THADA: variants seen among roughly 807,000 people sequenced by gnomAD.
THADA encodes tRNA (32-2'-O)-methyltransferase regulator THADA.
THADA carries 213 observed loss-of-function variants against 219.8 expected under a neutral mutation model. That is an observed-to-expected ratio of 0.97 (90% confidence interval 0.87 to 1.09). THADA has a LOEUF of 1.09. Ranked by LOEUF, THADA falls within the 50% of genes least tolerant of loss-of-function variation. THADA has a pLI of 0.00. For synonymous variants in THADA, 1,018 were observed against 828.9 expected (o/e 1.23, Z -3.92); for missense variants, 2,956 against 2,311.3 (o/e 1.28, Z -5.72).
At chr2:43,291,865 G>C in intron 33 of THADA, 97 bp from the exon 34 acceptor site, 1 of 1,111,978 alleles carries the variant, frequency 9.0e-7, no homozygotes. Flanking sequence ...ATGCAGAGGT[G>C]AATACTGAAA....
At chr2:43,327,480 G>C (rs942283473) in intron 30 of THADA, among the ~76,000 whole-genome samples, 6 of 138,836 alleles carry the variant, frequency 4.3e-5, no homozygotes, top group South Asian at 2.7e-4. Flanking sequence ...AAGTAAAGAG[G>C]GGGGGTGGTT....
At chr2:43,257,973 C>T (rs1670514825) in intron 36 of THADA, among the ~76,000 whole-genome samples, 1 of 152,080 alleles carries the variant, frequency 6.6e-6, no homozygotes, top group Non-Finnish European at 1.5e-5. Context: ...GGGGATTCAG[C>T]AGGCTCTGGG....
At chr2:43,457,270 T>C (rs1211366812) in intron 26 of THADA, among the ~76,000 whole-genome samples, 1 of 152,034 alleles carries the variant, frequency 6.6e-6, no homozygotes, top group African/African-American at 2.4e-5. Context: ...CATAATAAGA[T>C]ACCAATATTT....
At chr2:43,269,827 G>A (rs1233471475) in intron 36 of THADA, among the ~76,000 whole-genome samples, 1 of 152,162 alleles carries the variant, frequency 6.6e-6, no homozygotes, top group Non-Finnish European at 1.5e-5. Context: ...TGACAATACT[G>A]AAGAACACAC....
chr2:43,397,399 A>G (rs1674203448), intron 29 of THADA, among the ~76,000 whole-genome samples: 1 of 152,072 alleles, frequency 6.6e-6, no homozygotes, highest in Non-Finnish European at 1.5e-5. Flanking sequence ...TTTCTCATTT[A>G]TTTTTTGTAT....
At chr2:43,332,262 C>T (rs970255795) in intron 30 of THADA, among the ~76,000 whole-genome samples, 1 of 152,150 alleles carries the variant, frequency 6.6e-6, no homozygotes, top group Non-Finnish European at 1.5e-5. Flanking sequence ...TTAACCTTAT[C>T]TAATAATTAA....
At chr2:43,413,832 A>G (rs1478267738) in intron 28 of THADA, among the ~76,000 whole-genome samples, 1 of 152,232 alleles carries the variant, frequency 6.6e-6, no homozygotes, top group Non-Finnish European at 1.5e-5. Context: ...TATATGCAAC[A>G]GCAATCCCAT....
chr2:43,477,168 C>T (rs1171027421), intron 26 of THADA, among the ~76,000 whole-genome samples: 1 of 152,064 alleles, frequency 6.6e-6, no homozygotes, highest in African/African-American at 2.4e-5. Flanking sequence ...ATGCCTTTCA[C>T]CTGCTTTAAT....
intron 16 of THADA, among the ~76,000 whole-genome samples, chr2:43,557,449 G>A (rs966294313): frequency 6.6e-6 from 1 of 152,142 alleles, no homozygotes; most frequent in Non-Finnish European, 1.5e-5. Flanking sequence ...TAGTTCACTG[G>A]AGAAAACTGC....
At chr2:43,505,556 G>GA (rs965896471) in intron 24 of THADA, 66 bp downstream of exon 24, 1 of 1,257,820 alleles carries the variant, frequency 8.0e-7, no homozygotes, top group African/African-American at 1.5e-5. Context: ...CAGCCGTCTT[G>GA]AAAAAAGTGA....
rs372999817 is a variant in THADA at position 43,508,147 on chromosome 2, G to A, written c.3507+501C>T. ...TGGATGATAATAGGGTACAGGGAAG[G>A]AGTTAATGAGGTGAAATAACCACTA... On this transcript the variant is annotated intron_variant, in intron 23 of 37. Coordinates refer to ENST00000405975, the MANE Select transcript of THADA (RefSeq NM_022065.5). Among the ~76,000 whole-genome samples, 14 of 152,210 alleles carry A rather than the reference G, an allele frequency of 9.2e-5. No individual in the cohort carries two copies. In the South Asian group the frequency reaches 2.9e-3, roughly 32 times the overall value.
intron 27 of THADA, among the ~76,000 whole-genome samples, chr2:43,429,648 A>T (rs1293765101): frequency 6.6e-6 from 1 of 152,054 alleles, no homozygotes; most frequent in Admixed American, 6.6e-5. Context: ...AGATTTTTTT[A>T]AAAATAGGAA....
At chr2:43,453,640 T>A (rs537195158) in intron 26 of THADA, among the ~76,000 whole-genome samples, 45 of 152,264 alleles carry the variant, frequency 3.0e-4, no homozygotes, top group Middle Eastern at 3.4e-3. Context: ...AAACGCTGGT[T>A]TTTTAAAGTA....
chr2:43,311,996 T>G (rs1677567496), intron 31 of THADA, among the ~76,000 whole-genome samples: 1 of 152,060 alleles, frequency 6.6e-6, no homozygotes, highest in African/African-American at 2.4e-5. Context: ...CCCAGAAGTT[T>G]GAGACCAGCC....
intron 26 of THADA, among the ~76,000 whole-genome samples, chr2:43,450,814 G>C (rs1418216898): frequency 6.6e-6 from 1 of 152,148 alleles, no homozygotes; most frequent in African/African-American, 2.4e-5. Flanking sequence ...AGTAACGGAA[G>C]ACAGCAGGGG....
chr2:43,387,000 T>C (rs1363639805), intron 29 of THADA, among the ~76,000 whole-genome samples: 1 of 152,052 alleles, frequency 6.6e-6, no homozygotes, highest in Non-Finnish European at 1.5e-5. Context: ...TCTGGGAATA[T>C]GGACAAAGCT....
chr2:43,539,971 T>C (rs1695093054), intron 21 of THADA, among the ~76,000 whole-genome samples: 1 of 152,210 alleles, frequency 6.6e-6, no homozygotes, highest in Non-Finnish European at 1.5e-5. Context: ...CAAAATACAC[T>C]TCCCTTAATT....
chr2:43,538,858 T>C (rs1038779395), intron 21 of THADA, among the ~76,000 whole-genome samples: 13 of 152,048 alleles, frequency 8.5e-5, no homozygotes, highest in African/African-American at 1.2e-4. Context: ...CCATTTCTTC[T>C]CCCCACACAG....
intron 25 of THADA, among the ~76,000 whole-genome samples, chr2:43,495,966 G>A (rs1051107985): frequency 4.6e-5 from 7 of 152,126 alleles, no homozygotes; most frequent in East Asian, 1.9e-4. Context: ...ACAGGAAGAC[G>A]CACAATTTTC....
Sources: gnomAD v4.1 joint callset for allele counts (sites outside exome capture counted in the v4.1 genomes callset) on GRCh38, gnomAD v4.1.1 for gene constraint, MANE v1.5 for transcripts, NCBI Gene and HGNC (gene_info 2026-07-23, HGNC 2026-07-21) for gene names.